Variants in USP34 observed in about 807,000 individuals in gnomAD.
The protein encoded by USP34 is ubiquitin specific peptidase 34, also known as ubiquitin carboxyl-terminal hydrolase 34.
USP34 carries 70 observed loss-of-function variants against 460.3 expected under a neutral mutation model. The ratio of observed to expected loss-of-function variants is 0.15; its 90% CI spans 0.13 to 0.19. The LOEUF (loss-of-function observed/expected upper bound fraction) is 0.19, where lower values mean the gene tolerates loss of function less well. Among genes scored for constraint, USP34 ranks in the 10% least tolerant of loss-of-function variants. The probability of loss-of-function intolerance (pLI) is 1.00; values close to 1 mark genes in which losing one functional copy is unlikely to be tolerated. For synonymous variants in USP34, 1,647 were observed against 1,405.3 expected, an observed-to-expected ratio of 1.17 and a Z score of -3.85; for missense variants, 3,985 against 4,236.2, an observed-to-expected ratio of 0.94 and a Z score of 1.65.
At chr2:61,411,418 A>T (rs887376546) in intron 2 of USP34, among the ~76,000 whole-genome samples, 1 of 152,048 alleles carries the variant, frequency 6.6e-6, no homozygotes, top group African/African-American at 2.4e-5. Context: ...AAAGCAAGAT[A>T]AGTGAAATAT....
chr2:61,226,973 A>C, intron 62 of USP34, 94 bp downstream of exon 62: 1 of 1,360,586 alleles, frequency 7.3e-7, no homozygotes, highest in Non-Finnish European at 9.8e-7. Flanking sequence ...AAACATATAT[A>C]ATAAAAAGCT....
rs1046783831 is a variant in USP34 at position 61,398,826 on chromosome 2, C to G, written c.553-3593G>C. 2.6e-5 allele frequency among the ~76,000 whole-genome samples: 4 copies of G among 152,078 alleles called. No homozygotes were observed. In the South Asian group the frequency reaches 6.2e-4, roughly 24 times the overall value. ...CATTTCAAAATAAACAAAAAATGTC[C>G]TTAGAGAAATGAAGTCTCAAAGTAA... On this transcript the variant is annotated intron_variant, in intron 3 of 79. Transcript: ENST00000398571.
intron 48 of USP34, 46 bp from the exon 49 acceptor site, chr2:61,248,729 C>G (rs761003612): frequency 1.3e-6 from 2 of 1,492,458 alleles, no homozygotes; most frequent in Non-Finnish European, 1.8e-6. Context: ...TTTACAAATA[C>G]TTCAGTTGGT....
intron 70 of USP34, 64 bp from the exon 71 acceptor site, chr2:61,206,950 T>G (rs1687137489): frequency 1.3e-6 from 2 of 1,537,706 alleles, no homozygotes; most frequent in African/African-American, 2.7e-5. Context: ...CACAAAATGG[T>G]AGTACTCGTC....
At chr2:61,219,959 T>C (rs1687511514) in intron 67 of USP34, among the ~76,000 whole-genome samples, 2 of 151,856 alleles carry the variant, frequency 1.3e-5, no homozygotes, top group East Asian at 1.9e-4. Flanking sequence ...TTTCAGCCAA[T>C]ATTTTCTCTC....
At chr2:61,338,036 T>C (rs1420033630) in intron 18 of USP34, among the ~76,000 whole-genome samples, 2 of 152,168 alleles carry the variant, frequency 1.3e-5, no homozygotes, top group Non-Finnish European at 2.9e-5. Context: ...AAAGAATATA[T>C]ACCGGCCAGG....
At chr2:61,454,456 G>T (rs964399396) in intron 1 of USP34, among the ~76,000 whole-genome samples, 12 of 151,380 alleles carry the variant, frequency 7.9e-5, no homozygotes, top group Non-Finnish European at 1.5e-4. Flanking sequence ...TTTTGTTTTT[G>T]TTTTTCCCAA....
intron 3 of USP34, among the ~76,000 whole-genome samples, chr2:61,400,568 T>C (rs1693685985): frequency 6.6e-6 from 1 of 152,102 alleles, no homozygotes. Flanking sequence ...AATACTAAAT[T>C]GACTGGGCGT....
chr2:61,417,439 A>C lies in USP34; in HGVS notation c.131+3307T>G. The C allele has an allele frequency of 1.1e-5, 4 of 369,664 alleles. No individual in the cohort carries two copies. In the South Asian group the frequency reaches 1.2e-4, roughly 11 times the overall value. 22.9% of individuals were successfully genotyped at this position (369,664 alleles called of 1,614,324 possible). A position where few individuals can be genotyped will look rare whatever the true frequency, so the allele number is the denominator to read the frequency against. On this transcript the variant is annotated intron_variant, in intron 2 of 79. Transcript: ENST00000398571. ...TATATGACTGTTAAACAGCACTTAA[A>C]AATGATGACACAGATAATACTTGAT...
intron 1 of USP34, among the ~76,000 whole-genome samples, chr2:61,421,660 G>A (rs1444712134): frequency 6.6e-6 from 1 of 152,128 alleles, no homozygotes; most frequent in East Asian, 1.9e-4. Context: ...ATCTTGCCTG[G>A]ATCACTGTAT....
At position 61,470,818 on chromosome 2, in the gene USP34, C is replaced by G; in HGVS notation, c.-126G>C. On this transcript the variant is annotated 5_prime_UTR_variant, in exon 1 of 80. Coordinates refer to ENST00000398571, the MANE Select transcript of USP34 (RefSeq NM_014709.4). ...CGGCGGGGCGGGGAGGCGACTAGGG[C>G]GGGCGGCGGCGGGGACGGGGCGGGG... 4.6e-6 allele frequency: 1 copy of G among 215,764 alleles called. No individual in the cohort carries two copies. Among genetic ancestry groups the G allele is most frequent in the Non-Finnish European group, 8.7e-6 (1 of 114,382 alleles). 13.4% of individuals were successfully genotyped at this position (215,764 alleles called of 1,614,324 possible).
Position 61,350,583 on chromosome 2 carries a change from A to G in USP34, c.1362T>C (p.Ser454=). 6.2e-7 allele frequency: 1 copy of G among 1,612,320 alleles called. No homozygotes were observed. Among genetic ancestry groups the G allele is most frequent in the Non-Finnish European group, 8.5e-7 (1 of 1,179,504 alleles). ...AATGTATTACCTGTTCAGTATGAAC[A>G]CTTGGCTCAAGAGCTGAGACCAGAT... is the stretch of plus-strand genomic sequence containing the variant. ...LLNLVSALEP[S]VHTEQTLYLA... is the part of the protein sequence containing the mutation. Residue 454 remains serine, a synonymous_variant, in exon 11 of 80, where the codon AGT becomes AGC. Transcript: ENST00000398571.
intron 1 of USP34, among the ~76,000 whole-genome samples, chr2:61,442,583 C>T (rs1046657424): frequency 6.6e-6 from 1 of 152,010 alleles, no homozygotes; most frequent in African/African-American, 2.4e-5. Flanking sequence ...GTTAGGATAG[C>T]TATTATCAAA....
At chr2:61,434,076 G>C (rs1398955379) in intron 1 of USP34, among the ~76,000 whole-genome samples, 3 of 152,190 alleles carry the variant, frequency 2.0e-5, no homozygotes, top group Admixed American at 2.0e-4. Context: ...CTCCAAAGTA[G>C]TGGAGGCCCG....
chr2:61,245,131 G>T, intron 51 of USP34, 79 bp downstream of exon 51: 4 of 1,000,868 alleles, frequency 4.0e-6, no homozygotes, highest in South Asian at 1.8e-5. Context: ...AAAGTTAAGC[G>T]ACTCTGCTAT....
In USP34 at chr2:61,187,578, A is replaced by G. The variant is rs1468749723; in HGVS notation, c.*524T>C. On this transcript the variant is annotated 3_prime_UTR_variant, in exon 80 of 80. Transcript: ENST00000398571. ...ATCAAGTGTGCTTTATTTCCTCCACAGGTATTCTGTTAAATAAAGCACCAT... is the reference window on the plus strand; with the variant it reads ...ATCAAGTGTGCTTTATTTCCTCCACGGGTATTCTGTTAAATAAAGCACCAT... 1 of 939,896 alleles carries G rather than the reference A, an allele frequency of 1.1e-6. No individual in the cohort carries two copies. Among genetic ancestry groups the G allele is most frequent in the Non-Finnish European group, 1.3e-6 (1 of 788,076 alleles). 58.2% of individuals were successfully genotyped at this position (939,896 alleles called of 1,614,324 possible). A position where few individuals can be genotyped will look rare whatever the true frequency, so the allele number is the denominator to read the frequency against.
chr2:61,454,326 G>A (rs1695369478), intron 1 of USP34, among the ~76,000 whole-genome samples: 1 of 152,124 alleles, frequency 6.6e-6, no homozygotes, highest in Non-Finnish European at 1.5e-5. Flanking sequence ...GTTTTACCAT[G>A]TTGGCCAGGC....
intron 5 of USP34, among the ~76,000 whole-genome samples, chr2:61,388,934 A>G (rs894457778): frequency 1.3e-5 from 2 of 152,154 alleles, no homozygotes; most frequent in Non-Finnish European, 2.9e-5. Flanking sequence ...ATCACCAGTA[A>G]AATAAATTGG....
chr2:61,334,470 C>A (rs776181432), intron 18 of USP34, among the ~76,000 whole-genome samples: 1 of 152,046 alleles, frequency 6.6e-6, no homozygotes, highest in Non-Finnish European at 1.5e-5. Flanking sequence ...AGGACAGATA[C>A]TGACATAGAA....
Sources: allele counts gnomAD v4.1 joint callset (sites outside exome capture counted in the v4.1 genomes callset), GRCh38; gene constraint gnomAD v4.1.1; transcripts MANE v1.5; gene names NCBI Gene and HGNC (gene_info 2026-07-23, HGNC 2026-07-21).